PRKCE: variants seen among roughly 807,000 people sequenced by gnomAD.
PRKCE encodes protein kinase C epsilon, also known as protein kinase C epsilon type.
Under a neutral mutation model 85.4 loss-of-function variants are expected in PRKCE, and 16 were observed. That is an observed-to-expected ratio of 0.19 (90% CI 0.13 to 0.28). PRKCE has a LOEUF of 0.28. Ranked by LOEUF, PRKCE falls within the 10% of genes least tolerant of loss-of-function variation. PRKCE has a pLI of 1.00. For synonymous variants in PRKCE, 388 were observed against 371.5 expected, an observed-to-expected ratio of 1.04 and a Z score of -0.51; for missense variants, 573 against 975.2, an observed-to-expected ratio of 0.59 and a Z score of 5.49.
At chr2:46,082,068 T>G (rs1043074164) in intron 10 of PRKCE, among the ~76,000 whole-genome samples, 1 of 152,084 alleles carries the variant, frequency 6.6e-6, no homozygotes, top group African/African-American at 2.4e-5. Context: ...CACTCCAGCC[T>G]GGGTGACAGA....
intron 2 of PRKCE, among the ~76,000 whole-genome samples, chr2:45,888,316 C>A (rs1213405567): frequency 3.0e-4 from 45 of 152,142 alleles, no homozygotes; most frequent in Admixed American, 2.9e-3. Context: ...TGTTAAGAAG[C>A]TGTCTTAATT....
intron 2 of PRKCE, among the ~76,000 whole-genome samples, chr2:45,971,739 C>T (rs1295997671): frequency 2.0e-5 from 3 of 152,210 alleles, no homozygotes; most frequent in Non-Finnish European, 4.4e-5. Flanking sequence ...TGTAATTCCA[C>T]CAGTGTCAAC....
intron 6 of PRKCE, among the ~76,000 whole-genome samples, chr2:46,000,150 G>GT (rs112523774): frequency 0.029 from 4,120 of 144,006 alleles, 69 homozygotes; most frequent in African/African-American, 0.051. Flanking sequence ...GGGTTTTTTT[G>GT]TTTTTTTTTT....
At chr2:46,134,588 C>G (rs1674773282) in intron 11 of PRKCE, among the ~76,000 whole-genome samples, 1 of 152,248 alleles carries the variant, frequency 6.6e-6, no homozygotes, top group Admixed American at 6.5e-5. Context: ...GCCAGGACTG[C>G]AAGTTCAAGC....
intron 14 of PRKCE, among the ~76,000 whole-genome samples, chr2:46,172,201 C>A (rs1040971435): frequency 6.6e-6 from 1 of 152,198 alleles, no homozygotes; most frequent in Non-Finnish European, 1.5e-5. Context: ...CTGAGCTGGG[C>A]CCTGCTAGTG....
At chr2:46,143,951 C>T (rs926148460) in intron 11 of PRKCE, among the ~76,000 whole-genome samples, 2 of 152,146 alleles carry the variant, frequency 1.3e-5, no homozygotes, top group Admixed American at 1.3e-4. Context: ...GCCAGCAGAC[C>T]CCTCCTGCTT....
At chr2:45,821,263 C>G (rs1689507783) in intron 1 of PRKCE, among the ~76,000 whole-genome samples, 1 of 152,206 alleles carries the variant, frequency 6.6e-6, no homozygotes, top group African/African-American at 2.4e-5. Flanking sequence ...TGAATATTTA[C>G]AAGTGGAGGT....
chr2:45,773,101 C>T (rs1685471966), intron 1 of PRKCE, among the ~76,000 whole-genome samples: 1 of 152,188 alleles, frequency 6.6e-6, no homozygotes, highest in African/African-American at 2.4e-5. Context: ...TGCATAGCCC[C>T]TCCGAGGGGC....
chr2:46,021,789 C>T (rs1012268781), intron 10 of PRKCE, among the ~76,000 whole-genome samples: 1 of 152,168 alleles, frequency 6.6e-6, no homozygotes, highest in Non-Finnish European at 1.5e-5. Context: ...ATTCTCTCAC[C>T]TCTCCCCAAC....
chr2:45,933,057 TC>T (rs1263077426), intron 2 of PRKCE, among the ~76,000 whole-genome samples: 1 of 152,244 alleles, frequency 6.6e-6, no homozygotes, highest in African/African-American at 2.4e-5. Context: ...AATTTGCATT[TC>T]CCTGATGTCT....
chr2:45,694,311 G>T (rs1047188011), intron 1 of PRKCE, among the ~76,000 whole-genome samples: 17 of 152,078 alleles, frequency 1.1e-4, no homozygotes, highest in African/African-American at 3.9e-4. Flanking sequence ...GAAGAACTAT[G>T]CTTTGCCCTC....
intron 1 of PRKCE, among the ~76,000 whole-genome samples, chr2:45,729,448 G>A (rs567648301): frequency 6.6e-5 from 10 of 151,062 alleles, no homozygotes; most frequent in African/African-American, 2.2e-4. Flanking sequence ...AAGCCAGCTC[G>A]GCCCTCCCTG....
chr2:46,049,338 C>G lies in PRKCE; in HGVS notation c.1438-36870C>G, dbSNP rs150690796. Among the ~76,000 whole-genome samples the G allele has an allele frequency of 2.6e-5, 4 of 152,308 alleles. No homozygotes were observed. In the East Asian group the frequency reaches 7.7e-4, roughly 29 times the overall value. ...TGGATTAGTGCTGCCCTGGTTTCTT[C>G]CCAGTCCTGACAATGCACATAGCCC... On this transcript the variant is annotated intron_variant, in intron 10 of 14. Transcript: ENST00000306156.
intron 1 of PRKCE, among the ~76,000 whole-genome samples, chr2:45,665,377 T>C (rs1174275804): frequency 1.3e-5 from 2 of 152,116 alleles, no homozygotes; most frequent in Non-Finnish European, 2.9e-5. Context: ...TGTTTGCTAA[T>C]TTAAAAAAAG....
At chr2:46,049,651 A>G (rs1708736722) in intron 10 of PRKCE, among the ~76,000 whole-genome samples, 1 of 151,978 alleles carries the variant, frequency 6.6e-6, no homozygotes, top group Non-Finnish European at 1.5e-5. Flanking sequence ...AAATATTCTC[A>G]CTTGAATTCA....
In PRKCE at chr2:45,911,078, T is replaced by C. The variant is rs147418937; in HGVS notation, c.413-65351T>C. Among the ~76,000 whole-genome samples, 441 of 152,314 alleles carry C rather than the reference T, an allele frequency of 2.9e-3. 1 individual carries two copies. The highest frequency in any genetic ancestry group is 9.6e-3 in the African/African-American group (400 of 41,564). ...GACTGATTGCATTGAGCAGCTGCCA[T>C]GTGCAGGCCTTTGTTTCAAACCCTA... On this transcript the variant is annotated intron_variant, in intron 2 of 14. Transcript: ENST00000306156.
intron 1 of PRKCE, among the ~76,000 whole-genome samples, chr2:45,711,581 T>G (rs1222450397): frequency 6.6e-6 from 1 of 152,236 alleles, no homozygotes; most frequent in Non-Finnish European, 1.5e-5. Flanking sequence ...ACTATATAAG[T>G]GTTCAAGACA....
At chr2:45,724,189 C>T (rs1680866438) in intron 1 of PRKCE, among the ~76,000 whole-genome samples, 1 of 152,152 alleles carries the variant, frequency 6.6e-6, no homozygotes, top group Non-Finnish European at 1.5e-5. Context: ...CATATGTTCA[C>T]TTCATGTCTC....
Position 46,134,232 on chromosome 2 carries a change from G to A in PRKCE, c.1593-10861G>A, listed in dbSNP as rs116677209. Among the ~76,000 whole-genome samples the A allele has an allele frequency of 5.5e-3, 837 of 152,288 alleles. 3 individuals are homozygous for A. Among genetic ancestry groups the A allele is most frequent in the African/African-American group, 0.02 (810 of 41,538 alleles). ...CCAGTAGGTATTGAGACACTGGGATGCATCAGACACTGTGGGAACTTGGAG... is the reference window on the plus strand; with the variant it reads ...CCAGTAGGTATTGAGACACTGGGATACATCAGACACTGTGGGAACTTGGAG... On this transcript the variant is annotated intron_variant, in intron 11 of 14. Transcript: ENST00000306156.
Sources: gnomAD v4.1 joint callset for allele counts (sites outside exome capture counted in the v4.1 genomes callset) on GRCh38, gnomAD v4.1.1 for gene constraint, MANE v1.5 for transcripts, NCBI Gene and HGNC (gene_info 2026-07-23, HGNC 2026-07-21) for gene names.